Variants in AGBL1 observed in about 807,000 individuals in gnomAD.
AGBL1 encodes AGBL carboxypeptidase 1.
A neutral mutation model predicts 118.9 loss-of-function variants in AGBL1; 130 were observed. The ratio of observed to expected loss-of-function variants is 1.09; its 90% CI spans 0.95 to 1.26. The LOEUF (loss-of-function observed/expected upper bound fraction) is 1.26, where lower values mean the gene tolerates loss of function less well. AGBL1 is among the 50% of genes most tolerant of loss of function. The pLI, the probability that AGBL1 is intolerant of heterozygous loss-of-function variation, is 0.00. For missense variants in AGBL1, 1,584 were observed against 1,298.1 expected (o/e 1.22, Z -3.38); for synonymous variants, 555 against 478.9 (o/e 1.16, Z -2.08).
At chr15:86,467,153 T>G (rs887931676) in intron 18 of AGBL1, among the ~76,000 whole-genome samples, 1 of 152,224 alleles carries the variant, frequency 6.6e-6, no homozygotes, top group Non-Finnish European at 1.5e-5. Flanking sequence ...GCTGCCTTTC[T>G]TTCAGAGAGG....
intron 22 of AGBL1, among the ~76,000 whole-genome samples, chr15:86,825,200 C>T (rs374349981): frequency 6.9e-4 from 105 of 151,488 alleles, no homozygotes; most frequent in Non-Finnish European, 1.3e-3. Flanking sequence ...ATTGGACATC[C>T]ATAGGAAAGA....
At chr15:86,943,078 A>C (rs1257018461) in intron 23 of AGBL1, among the ~76,000 whole-genome samples, 1 of 152,216 alleles carries the variant, frequency 6.6e-6, no homozygotes, top group Non-Finnish European at 1.5e-5. Flanking sequence ...CAAGATTCCT[A>C]TAAGTCAGGA....
intron 7 of AGBL1, among the ~76,000 whole-genome samples, chr15:86,249,797 G>T (rs1195389439): frequency 6.6e-6 from 1 of 152,224 alleles, no homozygotes; most frequent in Non-Finnish European, 1.5e-5. Flanking sequence ...AATAAAGGAA[G>T]AAGACAGTAG....
intron 1 of AGBL1, among the ~76,000 whole-genome samples, chr15:86,116,995 T>A (rs1897806932): frequency 6.6e-6 from 1 of 151,950 alleles, no homozygotes; most frequent in African/African-American, 2.4e-5. Context: ...TTAGGCCAGT[T>A]GCTTAGTGAT....
chr15:86,169,485 C>T (rs568395374), intron 5 of AGBL1, among the ~76,000 whole-genome samples: 70 of 152,210 alleles, frequency 4.6e-4, no homozygotes, highest in Non-Finnish European at 7.9e-4. Context: ...AGTCATCCCT[C>T]GATATTCATA....
At chr15:86,544,077 T>C (rs2083543371) in intron 19 of AGBL1, among the ~76,000 whole-genome samples, 1 of 152,184 alleles carries the variant, frequency 6.6e-6, no homozygotes, top group South Asian at 2.1e-4. Flanking sequence ...ATATTTAGAC[T>C]AGGAGGAGAG....
At chr15:86,169,733 T>A (rs527504698) in intron 5 of AGBL1, among the ~76,000 whole-genome samples, 1 of 152,294 alleles carries the variant, frequency 6.6e-6, no homozygotes, top group African/African-American at 2.4e-5. Flanking sequence ...ATGCAATTTT[T>A]AAAAATATAT....
At chr15:86,524,980 A>G (rs1038238100) in intron 19 of AGBL1, among the ~76,000 whole-genome samples, 1 of 152,228 alleles carries the variant, frequency 6.6e-6, no homozygotes, top group African/African-American at 2.4e-5. Context: ...TGCTAATGAT[A>G]TGATCATATA....
intron 22 of AGBL1, among the ~76,000 whole-genome samples, chr15:86,779,923 A>ACAC (rs2078309516): frequency 9.7e-6 from 1 of 103,572 alleles, no homozygotes; most frequent in African/African-American, 2.6e-5. Flanking sequence ...CCCCCCCAAC[A>ACAC]CACACACACA....
chr15:86,113,287 CT>C (rs548790563), intron 1 of AGBL1, among the ~76,000 whole-genome samples: 3,509 of 97,282 alleles, frequency 0.036, 94 homozygotes, highest in African/African-American at 0.12. Flanking sequence ...TTCTTTCTTT[CT>C]TTTTTTTTTT....
rs28545518 is a variant in AGBL1, at chr15:86,744,322, G to A, written c.3158+69886G>A. The stretch of plus-strand genomic sequence containing the variant: ...TCTTTGCATTGTGCTTTCTGCTCAG[G>A]AATAAATTTGCCTTTATTGTTTGTC... On this transcript the variant is annotated intron_variant, in intron 22 of 22. Coordinates refer to ENST00000614907, the MANE Select transcript of AGBL1 (RefSeq NM_001386094.1). 4.5e-3 allele frequency among the ~76,000 whole-genome samples: 687 copies of A among 152,172 alleles called. 5 individuals carry two copies. The highest frequency in any genetic ancestry group is 0.016 in the African/African-American group (656 of 41,542).
intron 18 of AGBL1, among the ~76,000 whole-genome samples, chr15:86,463,872 G>T (rs150190083): frequency 1.3e-5 from 2 of 152,090 alleles, no homozygotes; most frequent in African/African-American, 4.8e-5. Context: ...GTCAGGTAGC[G>T]TGATGCCTCC....
At chr15:86,367,162 A>G (rs1018065559) in intron 17 of AGBL1, among the ~76,000 whole-genome samples, 3 of 152,210 alleles carry the variant, frequency 2.0e-5, no homozygotes, top group African/African-American at 7.2e-5. Flanking sequence ...AGAAAAATCT[A>G]TGGGCTCATG....
chr15:86,747,567 G>A (rs973248030), intron 22 of AGBL1, among the ~76,000 whole-genome samples: 36 of 152,200 alleles, frequency 2.4e-4, no homozygotes, highest in African/African-American at 8.7e-4. Context: ...CCATGTTGGT[G>A]TGCTGCACCC....
intron 9 of AGBL1, among the ~76,000 whole-genome samples, chr15:86,261,668 A>G (rs1373302853): frequency 6.6e-6 from 1 of 152,096 alleles, no homozygotes. Flanking sequence ...TGAAAAGATG[A>G]AGAGACTGGG....
At chr15:86,585,107 A>G (rs942909630) in intron 21 of AGBL1, among the ~76,000 whole-genome samples, 1 of 152,206 alleles carries the variant, frequency 6.6e-6, no homozygotes, top group African/African-American at 2.4e-5. Context: ...TTTTCTAGAC[A>G]TAGAATCATG....
rs2080356117 is a variant in AGBL1 at position 86,911,844 on chromosome 15, C to T, written c.*4550C>T. On this transcript the variant is annotated 3_prime_UTR_variant, in exon 23 of 23. Coordinates refer to ENST00000614907, the MANE Select transcript of AGBL1 (RefSeq NM_001386094.1). ...TTATATATAATCTCTCTTCCATGCC[C>T]CTGTTGCACTGTTTATATATCTCTT... The T allele has an allele frequency of 6.6e-6, 1 of 152,036 alleles. No individual in the cohort carries two copies. The highest frequency in any genetic ancestry group is 1.5e-5 in the Non-Finnish European group (1 of 68,022). 9.4% of individuals were successfully genotyped at this position (152,036 alleles called of 1,614,324 possible).
At chr15:86,159,179 C>T (rs2077232981) in intron 5 of AGBL1, among the ~76,000 whole-genome samples, 153 bp downstream of exon 5, 1 of 152,146 alleles carries the variant, frequency 6.6e-6, no homozygotes, top group Non-Finnish European at 1.5e-5. Flanking sequence ...TCTCAGTTTA[C>T]ATCCCTCCAC....
At chr15:86,659,493 T>C (rs994631781) in intron 21 of AGBL1, among the ~76,000 whole-genome samples, 2 of 152,160 alleles carry the variant, frequency 1.3e-5, no homozygotes, top group Admixed American at 6.5e-5. Flanking sequence ...TTTTCTCTTC[T>C]GTCTATAGCA....
Sources: gnomAD v4.1 joint callset for allele counts (sites outside exome capture counted in the v4.1 genomes callset) on GRCh38, gnomAD v4.1.1 for gene constraint, MANE v1.5 for transcripts, NCBI Gene and HGNC (gene_info 2026-07-23, HGNC 2026-07-21) for gene names.